Variants in ADAMTS6 observed in about 807,000 individuals in gnomAD.
ADAMTS6 encodes ADAM metallopeptidase with thrombospondin type 1 motif 6, also known as A disintegrin and metalloproteinase with thrombospondin motifs 6.
ADAMTS6 carries 23 observed loss-of-function variants against 144.3 expected under a neutral mutation model. That is an observed-to-expected ratio of 0.16 (90% CI 0.11 to 0.23). The LOEUF is 0.23. Ranked by LOEUF, ADAMTS6 falls within the 10% of genes least tolerant of loss-of-function variation. The pLI, the probability that ADAMTS6 is intolerant of heterozygous loss-of-function variation, is 1.00. For missense variants in ADAMTS6, 999 were observed against 1,379.6 expected (o/e 0.72, Z 4.37); for synonymous variants, 444 against 457.5 (o/e 0.97, Z 0.38).
At position 65,226,228 on chromosome 5, in the gene ADAMTS6, A is replaced by AT. The variant is rs780817393; in HGVS notation, c.1934-10dup. The AT allele has an allele frequency of 2.5e-6, 4 of 1,611,496 alleles. No homozygotes were observed. The South Asian group carries it at 4.4e-5, about 18-fold the overall frequency. On this transcript the variant is annotated splice_polypyrimidine_tract_variant and intron_variant, in intron 15 of 24. Transcript: ENST00000381055. Reference sequence around the variant, plus strand: ...ACAAGGTTTTACCCCACCTGGACAAATACAGTAGAAGAGAAATAAGTGGAG... The same window carrying AT: ...ACAAGGTTTTACCCCACCTGGACAAATTACAGTAGAAGAGAAATAAGTGGAG...
At chr5:65,260,512 C>A in intron 14 of ADAMTS6, 88 bp downstream of exon 14, 1 of 1,038,928 alleles carries the variant, frequency 9.6e-7, no homozygotes, top group South Asian at 1.4e-5. Flanking sequence ...ACATGTATTT[C>A]TTATCAAATA....
intron 22 of ADAMTS6, among the ~76,000 whole-genome samples, chr5:65,176,945 T>C (rs2112111124): frequency 6.6e-6 from 1 of 152,302 alleles, no homozygotes; most frequent in South Asian, 2.1e-4. Context: ...AAACAAAAGG[T>C]CAATTTCTTA....
At chr5:65,241,954 T>A (rs975989122) in intron 15 of ADAMTS6, 150 bp downstream of exon 15, 1 of 424,652 alleles carries the variant, frequency 2.4e-6, no homozygotes, top group South Asian at 9.2e-5. Flanking sequence ...GAAGCCTTTA[T>A]AGTACTATAA....
At chr5:65,271,332 T>C (rs979534214) in intron 12 of ADAMTS6, among the ~76,000 whole-genome samples, 1 of 138,816 alleles carries the variant, frequency 7.2e-6, no homozygotes, top group African/African-American at 2.8e-5. Flanking sequence ...TGAGCCGAGA[T>C]AGTGCCACTG....
At chr5:65,229,840 A>G (rs879720636) in intron 15 of ADAMTS6, among the ~76,000 whole-genome samples, 2 of 152,158 alleles carry the variant, frequency 1.3e-5, no homozygotes, top group African/African-American at 4.8e-5. Flanking sequence ...GAATAGGCTT[A>G]TTTAAAGAAA....
intron 7 of ADAMTS6, among the ~76,000 whole-genome samples, chr5:65,450,312 T>A (rs1758635471): frequency 6.6e-6 from 1 of 152,170 alleles, no homozygotes; most frequent in Non-Finnish European, 1.5e-5. Context: ...TAAGTATAAC[T>A]ATTAAAAAAA....
In ADAMTS6 at chr5:65,209,754, T is replaced by C. The variant is rs567167491; in HGVS notation, c.2575+5040A>G. On this transcript the variant is annotated intron_variant, in intron 20 of 24. Coordinates refer to ENST00000381055, the MANE Select transcript of ADAMTS6 (RefSeq NM_197941.4). Reference sequence around the variant, plus strand: ...TGTGAGACTGCCACCGAAAGTTCTTTGAGATCTTTCTTGTTTTCTCTTTGC... The same window carrying C: ...TGTGAGACTGCCACCGAAAGTTCTTCGAGATCTTTCTTGTTTTCTCTTTGC... Among the ~76,000 whole-genome samples, 507 of 152,348 alleles carry C rather than the reference T, an allele frequency of 3.3e-3. 3 individuals are homozygous for C. The highest frequency in any genetic ancestry group is 0.012 in the African/African-American group (495 of 41,590).
chr5:65,436,324 A>G (rs112108913), intron 7 of ADAMTS6, among the ~76,000 whole-genome samples: 14 of 152,306 alleles, frequency 9.2e-5, no homozygotes, highest in African/African-American at 3.4e-4. Flanking sequence ...ACAACAAAAA[A>G]GCCCAATTAA....
chr5:65,312,717 A>C (rs1044919762), intron 9 of ADAMTS6, among the ~76,000 whole-genome samples: 83 of 152,054 alleles, frequency 5.5e-4, no homozygotes, highest in Admixed American at 1.5e-3. Flanking sequence ...AGTTTCCAAT[A>C]GTCAAAGAAA....
intron 6 of ADAMTS6, 23 bp downstream of exon 6, chr5:65,452,110 T>C (rs1039289742): frequency 6.4e-7 from 1 of 1,570,712 alleles, no homozygotes; most frequent in South Asian, 1.2e-5. Flanking sequence ...CAATCTTAGA[T>C]ATATAAACTA....
chr5:65,341,396 C>T (rs1210551375), intron 7 of ADAMTS6, among the ~76,000 whole-genome samples: 8 of 151,484 alleles, frequency 5.3e-5, no homozygotes, highest in Non-Finnish European at 1.2e-4. Context: ...TATGAAAGAT[C>T]GATAAAACAA....
At chr5:65,398,788 G>GAAAGAAAGA (rs1753597892) in intron 7 of ADAMTS6, among the ~76,000 whole-genome samples, 2 of 20,390 alleles carry the variant, frequency 9.8e-5, no homozygotes, top group South Asian at 3.3e-3. Context: ...GAGCAAGAAA[G>GAAAGAAAGA]AAAGAAAGAA....
chr5:65,161,597 T>C (rs1225638850), intron 24 of ADAMTS6, among the ~76,000 whole-genome samples: 6 of 152,186 alleles, frequency 3.9e-5, no homozygotes, highest in Non-Finnish European at 8.8e-5. Context: ...TTCTTAAATT[T>C]TTTTGAATTA....
chr5:65,419,222 A>T (rs1755810013), intron 7 of ADAMTS6, among the ~76,000 whole-genome samples: 1 of 152,246 alleles, frequency 6.6e-6, no homozygotes, highest in Non-Finnish European at 1.5e-5. Flanking sequence ...GCCATAACAA[A>T]AAAATAAAAT....
intron 24 of ADAMTS6, among the ~76,000 whole-genome samples, chr5:65,161,855 T>A (rs1336578538): frequency 6.6e-6 from 1 of 152,230 alleles, no homozygotes; most frequent in Non-Finnish European, 1.5e-5. Flanking sequence ...AAGAGAGTTA[T>A]CTTCTTTCTT....
At chr5:65,305,990 G>T (rs953317965) in intron 9 of ADAMTS6, among the ~76,000 whole-genome samples, 1 of 152,148 alleles carries the variant, frequency 6.6e-6, no homozygotes, top group Non-Finnish European at 1.5e-5. Context: ...CTTGGACAAC[G>T]AACAGGTTAA....
At chr5:65,221,089 C>A (rs1440108241) in intron 18 of ADAMTS6, among the ~76,000 whole-genome samples, 1 of 152,010 alleles carries the variant, frequency 6.6e-6, no homozygotes, top group Non-Finnish European at 1.5e-5. Flanking sequence ...CATTAAGAAA[C>A]AATTCTCTCC....
intron 17 of ADAMTS6, among the ~76,000 whole-genome samples, 193 bp downstream of exon 17, chr5:65,224,729 TAG>T (rs1275681035): frequency 6.6e-6 from 1 of 152,080 alleles, no homozygotes. Flanking sequence ...TGAAGTTAAG[TAG>T]AGAGAGAGAA....
chr5:65,433,016 G>T (rs543622639), intron 7 of ADAMTS6, among the ~76,000 whole-genome samples: 3 of 151,940 alleles, frequency 2.0e-5, no homozygotes, highest in Non-Finnish European at 4.4e-5. Flanking sequence ...TGACCATTTA[G>T]TTCCCCAAAT....
Sources: allele counts gnomAD v4.1 joint callset (sites outside exome capture counted in the v4.1 genomes callset), GRCh38; gene constraint gnomAD v4.1.1; transcripts MANE v1.5; gene names NCBI Gene and HGNC (gene_info 2026-07-23, HGNC 2026-07-21).